TMC1: variants seen among roughly 807,000 people sequenced by gnomAD.
TMC1 encodes the protein transmembrane channel-like protein 1.
A neutral mutation model predicts 105.8 loss-of-function variants in TMC1; 84 were observed. The observed-to-expected ratio is 0.79, with a 90% CI of 0.67 to 0.95. The LOEUF is 0.95. Ranked by LOEUF, TMC1 falls within the 40% of genes least tolerant of loss-of-function variation. The probability of loss-of-function intolerance (pLI) is 0.00; values close to 1 mark genes in which losing one functional copy is unlikely to be tolerated. For missense variants in TMC1, 817 were observed against 914.1 expected (o/e 0.89, Z 1.37); for synonymous variants, 315 against 311.5 (o/e 1.01, Z -0.12).
chr9:72,818,905 T>C (rs1418296494), intron 19 of TMC1, among the ~76,000 whole-genome samples: 2 of 152,198 alleles, frequency 1.3e-5, no homozygotes, highest in Admixed American at 1.3e-4. Context: ...TTTGAAATTT[T>C]GAAATTTATT....
At chr9:72,598,343 A>G (rs1824753028) in intron 2 of TMC1, among the ~76,000 whole-genome samples, 1 of 134,806 alleles carries the variant, frequency 7.4e-6, no homozygotes, top group Admixed American at 7.5e-5. Flanking sequence ...GGGCCCATAC[A>G]GAGACTTATT....
chr9:72,671,997 C>A (rs140135622), intron 5 of TMC1, among the ~76,000 whole-genome samples: 21 of 152,180 alleles, frequency 1.4e-4, no homozygotes, highest in African/African-American at 5.1e-4. Context: ...ACAAATAAAC[C>A]ATTTACTGTA....
At chr9:72,534,578 C>T (rs1233038513) in intron 1 of TMC1, among the ~76,000 whole-genome samples, 1 of 152,082 alleles carries the variant, frequency 6.6e-6, no homozygotes. Flanking sequence ...GTATCTGAAT[C>T]TATATATTAT....
At chr9:72,749,058 A>G (rs1472305171) in intron 10 of TMC1, among the ~76,000 whole-genome samples, 6 of 152,240 alleles carry the variant, frequency 3.9e-5, no homozygotes, top group Non-Finnish European at 8.8e-5. Context: ...ACTCTAAAGT[A>G]TATTTCATTA....
At chr9:72,691,855 T>C (rs1826470989) in intron 6 of TMC1, among the ~76,000 whole-genome samples, 1 of 152,184 alleles carries the variant, frequency 6.6e-6, no homozygotes, top group South Asian at 2.1e-4. Context: ...GCCAACTGTG[T>C]CATGCTGAAC....
intron 13 of TMC1, among the ~76,000 whole-genome samples, chr9:72,783,839 C>T (rs557279670): frequency 6.6e-6 from 1 of 152,182 alleles, no homozygotes; most frequent in East Asian, 1.9e-4. Flanking sequence ...ATAGCCCTAT[C>T]CAGAAGATCA....
chr9:72,639,156 T>G (rs1825583667), intron 4 of TMC1, among the ~76,000 whole-genome samples: 1 of 152,190 alleles, frequency 6.6e-6, no homozygotes. Flanking sequence ...GGGAACTAAC[T>G]GCTGGTGATA....
intron 2 of TMC1, among the ~76,000 whole-genome samples, chr9:72,586,265 C>T (rs1035422644): frequency 6.6e-6 from 1 of 152,178 alleles, no homozygotes; most frequent in African/African-American, 2.4e-5. Flanking sequence ...GGGAATACTG[C>T]TGAAGTTTGC....
intron 18 of TMC1, among the ~76,000 whole-genome samples, chr9:72,811,404 T>C (rs911097010): frequency 6.6e-6 from 1 of 152,180 alleles, no homozygotes; most frequent in Non-Finnish European, 1.5e-5. Flanking sequence ...TGAGCACAGT[T>C]CTCAGTGTTT....
At chr9:72,633,175 A>G (rs945858928) in intron 4 of TMC1, among the ~76,000 whole-genome samples, 2 of 152,214 alleles carry the variant, frequency 1.3e-5, no homozygotes, top group East Asian at 1.9e-4. Context: ...TCATGGGTCC[A>G]CTGTAACCTG....
intron 5 of TMC1, chr9:72,655,706 C>T (rs1013177390): frequency 4.3e-5 from 18 of 418,352 alleles, no homozygotes; most frequent in Admixed American, 7.0e-5. Context: ...CGCGCCACTG[C>T]ACTCCAGCCC....
intron 5 of TMC1, among the ~76,000 whole-genome samples, chr9:72,657,628 A>G (rs1352166116): frequency 1.3e-5 from 2 of 152,172 alleles, no homozygotes; most frequent in Non-Finnish European, 2.9e-5. Flanking sequence ...TCTGAGTTCC[A>G]TATGACAAAA....
rs564431203 is a variant in TMC1 at position 72,566,429 on chromosome 9, C to A, written c.-427-11473C>A. ...AATAGAAGCCCTCAAGAAGTCACTC[C>A]ATAGGGACTATCTTGGGCTTTGGGA... On this transcript the variant is annotated intron_variant, in intron 1 of 23. Coordinates refer to ENST00000297784, the MANE Select transcript of TMC1 (RefSeq NM_138691.3). Among the ~76,000 whole-genome samples, 15 of 145,956 alleles carry A rather than the reference C, an allele frequency of 1.0e-4. No individual in the cohort carries two copies. The South Asian group carries it at 3.5e-3, about 34-fold the overall frequency.
intron 12 of TMC1, among the ~76,000 whole-genome samples, chr9:72,759,029 G>A (rs1827712949): frequency 6.6e-6 from 1 of 152,058 alleles, no homozygotes; most frequent in Admixed American, 6.6e-5. Flanking sequence ...TGACTAAAAA[G>A]GCAAAAGGGG....
At chr9:72,546,809 A>C (rs892520487) in intron 1 of TMC1, among the ~76,000 whole-genome samples, 2 of 152,182 alleles carry the variant, frequency 1.3e-5, no homozygotes, top group African/African-American at 4.8e-5. Flanking sequence ...CAGAGAGAAA[A>C]ATCTACTGAT....
chr9:72,711,289 G>T (rs1826830831), intron 8 of TMC1, among the ~76,000 whole-genome samples: 1 of 152,142 alleles, frequency 6.6e-6, no homozygotes, highest in Non-Finnish European at 1.5e-5. Context: ...ACCCAGTAAT[G>T]GGATGGCTGG....
chr9:72,691,428 C>A (rs35990928), intron 6 of TMC1, among the ~76,000 whole-genome samples: 6,952 of 152,082 alleles, frequency 0.046, 211 homozygotes, highest in Middle Eastern at 0.068. Flanking sequence ...AAACAGATTC[C>A]TTTCCCAGCC....
At position 72,545,358 on chromosome 9, in the gene TMC1, G is replaced by T. The variant is rs140431020; in HGVS notation, c.-428+23445G>T. ...AAAAAAACCTTTTACATATATATTGGTCTGTCACAATAATGTATAACAATA... is the reference window on the plus strand; with the variant it reads ...AAAAAAACCTTTTACATATATATTGTTCTGTCACAATAATGTATAACAATA... On this transcript the variant is annotated intron_variant, in intron 1 of 23. Coordinates refer to ENST00000297784, the MANE Select transcript of TMC1 (RefSeq NM_138691.3). Among the ~76,000 whole-genome samples, 1,249 of 151,238 alleles carry T rather than the reference G, an allele frequency of 8.3e-3. 11 individuals are homozygous for T. The highest frequency in any genetic ancestry group is 0.011 in the Non-Finnish European group (723 of 67,900).
At chr9:72,579,222 T>G (rs1463194827) in intron 2 of TMC1, among the ~76,000 whole-genome samples, 3 of 152,190 alleles carry the variant, frequency 2.0e-5, no homozygotes, top group Non-Finnish European at 4.4e-5. Flanking sequence ...TATACTCCCC[T>G]TTCTTATCTG....
Sources: gnomAD v4.1 joint callset for allele counts (sites outside exome capture counted in the v4.1 genomes callset) on GRCh38, gnomAD v4.1.1 for gene constraint, MANE v1.5 for transcripts, NCBI Gene and HGNC (gene_info 2026-07-23, HGNC 2026-07-21) for gene names.